KCNAB1: variants seen among roughly 807,000 people sequenced by gnomAD.
The protein encoded by KCNAB1 is potassium voltage-gated channel subfamily A regulatory beta subunit 1, also known as voltage-gated potassium channel subunit beta-1.
Under a neutral mutation model 64.6 loss-of-function variants are expected in KCNAB1, and 35 were observed. That is an observed-to-expected ratio of 0.54 (90% CI 0.41 to 0.72). The LOEUF (loss-of-function observed/expected upper bound fraction) is 0.72, where lower values mean the gene tolerates loss of function less well. Ranked by LOEUF, KCNAB1 falls within the 30% of genes least tolerant of loss-of-function variation. The pLI, the probability that KCNAB1 is intolerant of heterozygous loss-of-function variation, is 0.00. For synonymous variants in KCNAB1, 177 were observed against 183.8 expected (o/e 0.96, Z 0.30); for missense variants, 401 against 512.9 (o/e 0.78, Z 2.11).
At chr3:156,468,637 A>G (rs978857344) in intron 7 of KCNAB1, among the ~76,000 whole-genome samples, 1 of 152,210 alleles carries the variant, frequency 6.6e-6, no homozygotes, top group African/African-American at 2.4e-5. Flanking sequence ...CATTGAGCAC[A>G]GTGTCTGTCA....
At chr3:156,164,048 T>C (rs929748237) in intron 1 of KCNAB1, among the ~76,000 whole-genome samples, 2 of 152,222 alleles carry the variant, frequency 1.3e-5, no homozygotes, top group African/African-American at 2.4e-5. Flanking sequence ...CCTTCTCAGT[T>C]CTAACTGTTT....
chr3:156,308,981 G>T (rs1240644200), intron 1 of KCNAB1, among the ~76,000 whole-genome samples: 1 of 152,052 alleles, frequency 6.6e-6, no homozygotes, highest in Non-Finnish European at 1.5e-5. Flanking sequence ...TTCAATAAAA[G>T]TTATTTTTTC....
intron 1 of KCNAB1, among the ~76,000 whole-genome samples, chr3:156,356,916 C>G (rs1032238093): frequency 6.6e-6 from 1 of 152,210 alleles, no homozygotes; most frequent in Non-Finnish European, 1.5e-5. Flanking sequence ...AATAATTACT[C>G]TAGTTGGCTC....
At chr3:156,461,831 A>G (rs1712935997) in intron 5 of KCNAB1, among the ~76,000 whole-genome samples, 1 of 152,172 alleles carries the variant, frequency 6.6e-6, no homozygotes, top group South Asian at 2.1e-4. Flanking sequence ...AACTCAAGCT[A>G]TTATTATACT....
At chr3:156,397,009 G>A (rs1182434866) in intron 1 of KCNAB1, among the ~76,000 whole-genome samples, 1 of 152,210 alleles carries the variant, frequency 6.6e-6, no homozygotes, top group Non-Finnish European at 1.5e-5. Flanking sequence ...CGATTGATGT[G>A]TACATGTAAA....
intron 1 of KCNAB1, among the ~76,000 whole-genome samples, chr3:156,300,629 T>C (rs925446551): frequency 6.6e-6 from 1 of 151,956 alleles, no homozygotes; most frequent in Non-Finnish European, 1.5e-5. Flanking sequence ...GGAAAAAAAA[T>C]GTTTTTCATA....
chr3:156,141,922 A>C (rs1560105012), intron 1 of KCNAB1, among the ~76,000 whole-genome samples: 1 of 152,184 alleles, frequency 6.6e-6, no homozygotes, highest in African/African-American at 2.4e-5. Flanking sequence ...GACAGCATTT[A>C]GTGTTATCAC....
At chr3:156,303,971 T>A (rs932242963) in intron 1 of KCNAB1, among the ~76,000 whole-genome samples, 3 of 152,248 alleles carry the variant, frequency 2.0e-5, no homozygotes, top group African/African-American at 7.2e-5. Flanking sequence ...TCATTGATGA[T>A]CATTAATGAA....
chr3:156,300,812 G>A (rs887024752), intron 1 of KCNAB1, among the ~76,000 whole-genome samples: 2 of 152,116 alleles, frequency 1.3e-5, no homozygotes, highest in Non-Finnish European at 2.9e-5. Context: ...AATATGAAAA[G>A]GCCAAATTTG....
chr3:156,134,751 A>G (rs1714205809), intron 1 of KCNAB1, among the ~76,000 whole-genome samples: 1 of 152,226 alleles, frequency 6.6e-6, no homozygotes, highest in African/African-American at 2.4e-5. Flanking sequence ...CTTGTAGTCT[A>G]CATTTTATAA....
At chr3:156,350,951 C>T (rs1039717294) in intron 1 of KCNAB1, among the ~76,000 whole-genome samples, 1 of 152,262 alleles carries the variant, frequency 6.6e-6, no homozygotes, top group Non-Finnish European at 1.5e-5. Flanking sequence ...GCAGCTGAGA[C>T]ACCGTGTGTG....
chr3:156,166,622 T>G (rs1192112574), intron 1 of KCNAB1, among the ~76,000 whole-genome samples: 4 of 152,142 alleles, frequency 2.6e-5, no homozygotes, highest in Admixed American at 1.3e-4. Context: ...TCCCAGTGCT[T>G]CTTTTATGGG....
chr3:156,523,714 G>GATCTCGGT, intron 11 of KCNAB1, 113 bp from the exon 12 acceptor site: 2 of 981,190 alleles, frequency 2.0e-6, no homozygotes, highest in Admixed American at 4.4e-5. Flanking sequence ...TGAAACATAA[G>GATCTCGGT]GGTCAAAAAA....
At chr3:156,538,702 C>T (rs145635096), downstream of KCNAB1, 64 of 152,300 alleles carry the variant, frequency 4.2e-4, 1 homozygote, top group East Asian at 0.012. Context: ...ATAAATTAGG[C>T]AATAATCATC....
At chr3:156,206,012 A>G (rs540688450) in intron 1 of KCNAB1, among the ~76,000 whole-genome samples, 2 of 152,240 alleles carry the variant, frequency 1.3e-5, no homozygotes, top group South Asian at 4.1e-4. Flanking sequence ...CCTTTACTAC[A>G]TTACTGTGCA....
chr3:156,128,131 A>G lies in KCNAB1; in HGVS notation c.275+7245A>G, dbSNP rs115098142. On this transcript the variant is annotated intron_variant, in intron 1 of 13. Transcript: ENST00000490337. ...CAGTAGGAAAATTGGTTGAGGGGCC[A>G]GGAGACATGATTCAAATCCCATTTT... Among the ~76,000 whole-genome samples, 1,140 of 152,340 alleles carry G rather than the reference A, an allele frequency of 7.5e-3. 24 individuals are homozygous for G. The highest frequency in any genetic ancestry group is 0.027 in the African/African-American group (1,104 of 41,582).
At chr3:156,206,051 T>C (rs1714642066) in intron 1 of KCNAB1, among the ~76,000 whole-genome samples, 1 of 152,234 alleles carries the variant, frequency 6.6e-6, no homozygotes, top group Non-Finnish European at 1.5e-5. Flanking sequence ...CCTTCAAGAA[T>C]CAGGTAAAAC....
intron 1 of KCNAB1, among the ~76,000 whole-genome samples, chr3:156,385,447 A>G (rs1712515852): frequency 1.3e-5 from 2 of 152,162 alleles, no homozygotes; most frequent in African/African-American, 2.4e-5. Context: ...TGGAAGAAAA[A>G]AAAAAAAGCA....
At chr3:156,279,108 C>A in intron 1 of KCNAB1, among the ~76,000 whole-genome samples, 1 of 139,518 alleles carries the variant, frequency 7.2e-6, no homozygotes. Flanking sequence ...CGATGCTATC[C>A]CTCCCCCCTC....
Sources: allele counts gnomAD v4.1 joint callset (sites outside exome capture counted in the v4.1 genomes callset), GRCh38; gene constraint gnomAD v4.1.1; transcripts MANE v1.5; gene names NCBI Gene and HGNC (gene_info 2026-07-23, HGNC 2026-07-21).